Variants in GLIS3 observed in about 807,000 individuals in gnomAD.
GLIS3 encodes the protein zinc finger protein GLIS3.
In GLIS3, 53 loss-of-function variants were observed where a neutral mutation model predicts 78.6. That is an observed-to-expected ratio of 0.67 (90% CI 0.54 to 0.85). The LOEUF (loss-of-function observed/expected upper bound fraction) is 0.85. GLIS3 is among the 40% of genes least tolerant of loss of function. GLIS3 has a pLI of 0.00. For missense variants in GLIS3, 1,703 were observed against 1,231.1 expected (o/e 1.38, Z -5.74); for synonymous variants, 684 against 509.9 (o/e 1.34, Z -4.60).
chr9:4,182,526 T>C (rs991873239), intron 2 of GLIS3, among the ~76,000 whole-genome samples: 42 of 152,298 alleles, frequency 2.8e-4, no homozygotes, highest in East Asian at 3.9e-4. Context: ...GAAAAATGGA[T>C]TAAAAACTGA....
intron 3 of GLIS3, among the ~76,000 whole-genome samples, chr9:4,309,635 T>A (rs1231926793): frequency 6.6e-6 from 1 of 152,228 alleles, no homozygotes; most frequent in Non-Finnish European, 1.5e-5. Context: ...CAGTCTACAT[T>A]TCTATTTTGA....
chr9:4,157,100 T>C (rs915718803), intron 2 of GLIS3, among the ~76,000 whole-genome samples: 1 of 152,194 alleles, frequency 6.6e-6, no homozygotes, highest in African/African-American at 2.4e-5. Flanking sequence ...TCAAACTCCT[T>C]CATTAGTGTA....
chr9:4,485,030 G>A, the GLIS3 span, among the ~76,000 whole-genome samples: 2 of 145,956 alleles, frequency 1.4e-5, no homozygotes, highest in African/African-American at 2.5e-5. Flanking sequence ...GGGGGTGGTG[G>A]GGGGACAGGG....
chr9:4,374,373 G>A, the GLIS3 span, among the ~76,000 whole-genome samples: 59 of 152,286 alleles, frequency 3.9e-4, no homozygotes, highest in African/African-American at 1.3e-3. Context: ...ACTGTTCTCC[G>A]GGCTCCTTGC....
Position 4,125,954 on chromosome 9 carries a change from G to T in GLIS3, c.389-13C>A, listed in dbSNP as rs781525478. 1.4e-5 allele frequency: 23 copies of T among 1,606,594 alleles called. No homozygotes were observed. Among genetic ancestry groups the T allele is most frequent in the South Asian group, 2.2e-5 (2 of 90,920 alleles). On this transcript the variant is annotated splice_polypyrimidine_tract_variant and intron_variant, in intron 2 of 10. Coordinates refer to ENST00000381971, the MANE Select transcript of GLIS3 (RefSeq NM_001042413.2). The stretch of plus-strand genomic sequence containing the variant: ...AAGCCAAGAGCCCCTAAAAACAAAT[G>T]AATCAGGTTAGCTTTCATGTCCCTT...
intron 2 of GLIS3, among the ~76,000 whole-genome samples, chr9:4,218,819 C>T (rs1821078473): frequency 6.6e-6 from 1 of 152,232 alleles, no homozygotes; most frequent in Admixed American, 6.5e-5. Flanking sequence ...GAGCTCTTCA[C>T]TTCCCAAAGC....
At chr9:4,279,018 G>T (rs973109643) in intron 2 of GLIS3, among the ~76,000 whole-genome samples, 1 of 152,038 alleles carries the variant, frequency 6.6e-6, no homozygotes, top group Non-Finnish European at 1.5e-5. Flanking sequence ...AAATATCAGC[G>T]TGGCTGGGCA....
Position 3,989,625 on chromosome 9 carries a change from C to T in GLIS3, c.1711-52436G>A, listed in dbSNP as rs1025713985. Among the ~76,000 whole-genome samples, 35 of 151,988 alleles carry T rather than the reference C, an allele frequency of 2.3e-4. 1 individual carries two copies. Among genetic ancestry groups the T allele is most frequent in the Non-Finnish European group, 4.6e-4 (31 of 68,012 alleles). ...ATTTAGCTGAGTGAAAAAGCCACTC[C>T]GAAGAAGTTACATACTGTATGAGTC... On this transcript the variant is annotated intron_variant, in intron 4 of 10. Transcript: ENST00000381971.
At chr9:4,001,587 A>G (rs1049223209) in intron 4 of GLIS3, among the ~76,000 whole-genome samples, 3 of 152,126 alleles carry the variant, frequency 2.0e-5, no homozygotes, top group African/African-American at 7.2e-5. Flanking sequence ...CTTACTGTTC[A>G]TTTTCTTTAA....
the GLIS3 span, among the ~76,000 whole-genome samples, chr9:4,414,355 G>C: frequency 6.6e-6 from 1 of 152,162 alleles, no homozygotes; most frequent in Non-Finnish European, 1.5e-5. Context: ...GTAACTCAAT[G>C]TGAGTATGCA....
At chr9:4,390,019 G>T in the GLIS3 span, among the ~76,000 whole-genome samples, 1 of 152,282 alleles carries the variant, frequency 6.6e-6, no homozygotes, top group South Asian at 2.1e-4. Context: ...AACACTTCCT[G>T]AACAAATACT....
the GLIS3 span, among the ~76,000 whole-genome samples, chr9:4,359,119 C>A: frequency 6.6e-6 from 1 of 152,132 alleles, no homozygotes; most frequent in African/African-American, 2.4e-5. Flanking sequence ...CTCCTGCGGT[C>A]GAAAGTGGCT....
chr9:4,158,733 T>C (rs1334548711), intron 2 of GLIS3, among the ~76,000 whole-genome samples: 1 of 152,158 alleles, frequency 6.6e-6, no homozygotes, highest in Admixed American at 6.5e-5. Context: ...CCCATTTTCA[T>C]AAAGTGCACA....
intron 2 of GLIS3, among the ~76,000 whole-genome samples, chr9:4,274,728 C>A (rs940345506): frequency 6.6e-6 from 1 of 152,322 alleles, no homozygotes; most frequent in South Asian, 2.1e-4. Flanking sequence ...CTTCTGAGTG[C>A]AGGACCCTGT....
At chr9:4,356,064 C>A in the GLIS3 span, among the ~76,000 whole-genome samples, 1 of 152,220 alleles carries the variant, frequency 6.6e-6, no homozygotes. Flanking sequence ...AGCTCTAACA[C>A]TAATGAGCTG....
intron 1 of GLIS3, among the ~76,000 whole-genome samples, chr9:4,295,379 G>C (rs750348933): frequency 6.6e-6 from 1 of 152,078 alleles, no homozygotes; most frequent in Non-Finnish European, 1.5e-5. Flanking sequence ...TTTGGTTAGT[G>C]TTTTTCCTTA....
At chr9:4,045,480 C>T (rs906744144) in intron 4 of GLIS3, among the ~76,000 whole-genome samples, 1 of 151,354 alleles carries the variant, frequency 6.6e-6, no homozygotes. Flanking sequence ...GGATTAGAGG[C>T]ACACACCACC....
chr9:3,923,459 G>GA (rs1272482595), intron 6 of GLIS3, among the ~76,000 whole-genome samples: 3 of 152,010 alleles, frequency 2.0e-5, no homozygotes, highest in African/African-American at 7.2e-5. Context: ...CGGGTAATAA[G>GA]AAAAAATTGT....
chr9:4,477,387 G>C, the GLIS3 span, among the ~76,000 whole-genome samples: 1 of 146,854 alleles, frequency 6.8e-6, no homozygotes, highest in African/African-American at 2.5e-5. Flanking sequence ...GTGGGAGGTG[G>C]GGAATAGGAC....
Sources: gnomAD v4.1 joint callset for allele counts (sites outside exome capture counted in the v4.1 genomes callset) on GRCh38, gnomAD v4.1.1 for gene constraint, MANE v1.5 for transcripts, NCBI Gene and HGNC (gene_info 2026-07-23, HGNC 2026-07-21) for gene names.